The following NAALADL2 variants were observed in gnomAD, a reference collection of about 807,000 sequenced individuals.
NAALADL2 encodes the protein inactive N-acetylated-alpha-linked acidic dipeptidase-like protein 2.
In NAALADL2, 76 loss-of-function variants were observed where a neutral mutation model predicts 87.2. The observed-to-expected ratio is 0.87, with a 90% CI of 0.72 to 1.05. NAALADL2 has a LOEUF of 1.05. Among genes scored for constraint, NAALADL2 ranks in the 50% least tolerant of loss-of-function variants. The probability of loss-of-function intolerance (pLI) is 0.00; values close to 1 mark genes in which losing one functional copy is unlikely to be tolerated. For missense variants in NAALADL2, 1,089 were observed against 945.8 expected (o/e 1.15, Z -1.99); for synonymous variants, 354 against 331.0 (o/e 1.07, Z -0.75).
At chr3:175,600,026 C>A (rs943366686) in intron 10 of NAALADL2, among the ~76,000 whole-genome samples, 1 of 151,700 alleles carries the variant, frequency 6.6e-6, no homozygotes, top group African/African-American at 2.4e-5. Flanking sequence ...ATATCATACA[C>A]AATTTAAGAT....
chr3:174,863,791 G>C, intron 1 of NAALADL2: 4 of 279,154 alleles, frequency 1.4e-5, no homozygotes, highest in South Asian at 1.3e-4. Context: ...GGACTAACCA[G>C]TATGTGACTC....
chr3:174,669,265 T>TTG (rs1193463403), intron 2 of NAALADL2, among the ~76,000 whole-genome samples: 2 of 51,992 alleles, frequency 3.8e-5, no homozygotes, highest in Non-Finnish European at 7.0e-5. Context: ...TTTGATGGGG[T>TTG]TTTTTTTTCT....
intron 3 of NAALADL2, among the ~76,000 whole-genome samples, chr3:174,766,101 AAG>A (rs142133058): frequency 0.014 from 2,098 of 152,304 alleles, 27 homozygotes; most frequent in Non-Finnish European, 0.019. Flanking sequence ...CTCTAAAGGA[AAG>A]AGACTTCTGC....
intron 6 of NAALADL2, among the ~76,000 whole-genome samples, chr3:175,462,334 T>C (rs1434696011): frequency 6.6e-6 from 1 of 152,182 alleles, no homozygotes; most frequent in Non-Finnish European, 1.5e-5. Context: ...GATTTACTCA[T>C]AGATAGATAA....
rs543917641 is a variant in NAALADL2 at position 175,523,648 on chromosome 3, G to A, written c.1653+51890G>A. 5.9e-5 allele frequency among the ~76,000 whole-genome samples: 9 copies of A among 152,326 alleles called. No individual in the cohort carries two copies. The South Asian group carries it at 1.9e-3, about 32-fold the overall frequency. On this transcript the variant is annotated intron_variant, in intron 9 of 13. Transcript: ENST00000454872. ...ACACTTGGACAAGGGAGGGAAAGGG[G>A]TTCTTACCCTGAGGCGTGTGGCCCC... is the stretch of plus-strand genomic sequence containing the variant.
rs1725056990 is a variant in NAALADL2 at position 174,657,294 on chromosome 3, C to A, written c.-114-80347C>A. Among the ~76,000 whole-genome samples the A allele has an allele frequency of 2.0e-5, 3 of 151,840 alleles. No individual in the cohort carries two copies. The South Asian group carries it at 6.2e-4, about 32-fold the overall frequency. ...TCCTGAGTAGGTAGGATTACAGGAA[C>A]CTGAGGAAGCTGCCACTATGCCCAG... On this transcript the variant is annotated intron_variant, in intron 2 of 3. Transcript: ENST00000434257.
At position 175,013,169 on chromosome 3, in the gene NAALADL2, A is replaced by AAAATATATTTATATATAT. The variant is rs1560475414; in HGVS notation, c.44-83620_44-83619insAATATATTTATATATATA. 2.7e-4 allele frequency among the ~76,000 whole-genome samples: 30 copies of AAAATATATTTATATATAT among 110,068 alleles called. 1 individual carries two copies. The highest frequency in any genetic ancestry group is 7.2e-4 in the African/African-American group (22 of 30,534). 72.2% of individuals were successfully genotyped at this position (110,068 alleles called of 152,430 possible). On this transcript the variant is annotated intron_variant, in intron 1 of 13. Coordinates refer to ENST00000454872, the MANE Select transcript of NAALADL2 (RefSeq NM_207015.3). ...AATACATATTTATATATAAATATGT[A>AAAATATATTTATATATAT]ATACATATTTATATATAAATATATA...
chr3:175,361,427 T>C (rs189455812), intron 5 of NAALADL2, among the ~76,000 whole-genome samples: 4,741 of 147,962 alleles, frequency 0.032, 409 homozygotes, highest in African/African-American at 0.079. Context: ...TTCTAGATCC[T>C]TGAGGAATCG....
intron 9 of NAALADL2, among the ~76,000 whole-genome samples, chr3:175,493,516 G>T (rs1033327049): frequency 6.6e-6 from 1 of 152,046 alleles, no homozygotes; most frequent in African/African-American, 2.4e-5. Flanking sequence ...CAGCTCACCG[G>T]AAAGCAACAT....
At chr3:175,639,102 A>G (rs1161146556) in intron 11 of NAALADL2, among the ~76,000 whole-genome samples, 1 of 152,126 alleles carries the variant, frequency 6.6e-6, no homozygotes, top group Admixed American at 6.6e-5. Flanking sequence ...CCTGATTGGC[A>G]GGTGCTTTGT....
chr3:175,250,516 G>A lies in NAALADL2; in HGVS notation c.820-5895G>A, dbSNP rs918257580. On this transcript the variant is annotated intron_variant, in intron 3 of 13. Coordinates refer to ENST00000454872, the MANE Select transcript of NAALADL2 (RefSeq NM_207015.3). ...AGTTCTTGAATGGGACATGGAATCT[G>A]AAATTTTAACAATAGTCATTACTCA... Among the ~76,000 whole-genome samples, 3 of 152,166 alleles carry A rather than the reference G, an allele frequency of 2.0e-5. No individual in the cohort carries two copies. The East Asian group carries it at 5.8e-4, about 29-fold the overall frequency.
chr3:175,260,192 A>G (rs80267741), intron 4 of NAALADL2, among the ~76,000 whole-genome samples: 3,225 of 152,282 alleles, frequency 0.021, 106 homozygotes, highest in African/African-American at 0.073. Flanking sequence ...TTTATCTGGA[A>G]TAGGGCACAG....
At chr3:175,156,527 G>A (rs1461274) in intron 2 of NAALADL2, among the ~76,000 whole-genome samples, 26,797 of 151,896 alleles carry the variant, frequency 0.18, 2,980 homozygotes, top group African/African-American at 0.31. Flanking sequence ...GGTATAAAAA[G>A]GAGATATTCT....
At chr3:174,880,324 C>A (rs1729047925) in intron 1 of NAALADL2, among the ~76,000 whole-genome samples, 1 of 152,124 alleles carries the variant, frequency 6.6e-6, no homozygotes, top group African/African-American at 2.4e-5. Context: ...AGTTGCTCAG[C>A]CTAAAACAAA....
intron 1 of NAALADL2, among the ~76,000 whole-genome samples, chr3:174,962,783 T>C (rs1199782442): frequency 1.3e-5 from 2 of 151,960 alleles, no homozygotes; most frequent in Non-Finnish European, 2.9e-5. Flanking sequence ...AAGAGAAAAG[T>C]TTTCCTTGGA....
intron 2 of NAALADL2, among the ~76,000 whole-genome samples, chr3:175,108,139 G>T (rs1723545135): frequency 6.6e-6 from 1 of 151,602 alleles, no homozygotes; most frequent in South Asian, 2.1e-4. Flanking sequence ...TGTGCAACAT[G>T]ATGTAGTAAT....
chr3:175,127,812 A>T (rs1727197428), intron 2 of NAALADL2, among the ~76,000 whole-genome samples: 1 of 152,120 alleles, frequency 6.6e-6, no homozygotes, highest in Non-Finnish European at 1.5e-5. Flanking sequence ...TGAGCTCAGG[A>T]GTTTGAGACC....
chr3:175,584,737 T>C (rs1468839210), intron 10 of NAALADL2, among the ~76,000 whole-genome samples: 1 of 152,226 alleles, frequency 6.6e-6, no homozygotes, highest in Non-Finnish European at 1.5e-5. Context: ...AATACAATGG[T>C]ATTTGTGAAT....
chr3:175,483,686 G>T (rs1172951057), intron 9 of NAALADL2, among the ~76,000 whole-genome samples: 1 of 152,016 alleles, frequency 6.6e-6, no homozygotes, highest in Non-Finnish European at 1.5e-5. Flanking sequence ...ATGGGCTACT[G>T]GTTACTGGTT....
Sources: gnomAD v4.1 joint callset for allele counts (sites outside exome capture counted in the v4.1 genomes callset) on GRCh38, gnomAD v4.1.1 for gene constraint, MANE v1.5 for transcripts, NCBI Gene and HGNC (gene_info 2026-07-23, HGNC 2026-07-21) for gene names.